Variants in HHATL observed in about 807,000 individuals in gnomAD.
HHATL encodes the protein hedgehog acyltransferase like, also known as protein-cysteine N-palmitoyltransferase HHAT-like protein.
HHATL carries 49 observed loss-of-function variants against 59.7 expected under a neutral mutation model. The observed-to-expected ratio is 0.82, with a 90% CI of 0.65 to 1.04. HHATL has a LOEUF of 1.04. Among genes scored for constraint, HHATL ranks in the 50% least tolerant of loss-of-function variants. HHATL has a pLI of 0.00. For missense variants in HHATL, 605 were observed against 650.8 expected (o/e 0.93, Z 0.77); for synonymous variants, 238 against 257.3 (o/e 0.93, Z 0.72).
chr3:42,695,483 C>A (rs975000351), intron 9 of HHATL, among the ~76,000 whole-genome samples: 1 of 152,176 alleles, frequency 6.6e-6, no homozygotes, highest in Non-Finnish European at 1.5e-5. Context: ...CCCACCACCT[C>A]CAATACCACC....
chr3:42,696,610 C>G (rs1388898216), intron 9 of HHATL, among the ~76,000 whole-genome samples: 1 of 152,218 alleles, frequency 6.6e-6, no homozygotes, highest in Non-Finnish European at 1.5e-5. Flanking sequence ...ACGTCCTGTT[C>G]AGGCTGCTGA....
rs1340200780 is a variant in HHATL at position 42,697,739 on chromosome 3, AG to A, written c.694-61del. On this transcript the variant is annotated intron_variant, in intron 6 of 11. Coordinates refer to ENST00000441594, the MANE Select transcript of HHATL (RefSeq NM_020707.4). ...AGCCCTGCCTGGGGAGCCCTGTCTG[AG>A]GGGGGCTCACCAACTACTTGGGGCA... is the stretch of plus-strand genomic sequence containing the variant. The A allele has an allele frequency of 1.5e-5, 23 of 1,543,170 alleles. No individual in the cohort carries two copies. In the Admixed American group the frequency reaches 3.3e-4, roughly 22 times the overall value.
At position 42,698,932 on chromosome 3, in the gene HHATL, C is replaced by A. The variant is rs761800096; in HGVS notation, c.289-30G>T. On this transcript the variant is annotated intron_variant, in intron 4 of 11. Coordinates refer to ENST00000441594, the MANE Select transcript of HHATL (RefSeq NM_020707.4). The stretch of plus-strand genomic sequence containing the variant: ...GGGCAGGGAGAAGGCTTCAGTTTCG[C>A]CATATAAATGGGGGCGTGACCCCAG... 11 of 1,604,320 alleles carry A rather than the reference C, an allele frequency of 6.9e-6. No individual in the cohort carries two copies. In the Admixed American group the frequency reaches 1.7e-4, roughly 25 times the overall value.
In HHATL at chr3:42,699,816, T is replaced by C; in HGVS notation, c.116A>G (p.His39Arg). 1 of 1,563,980 alleles carries C rather than the reference T, an allele frequency of 6.4e-7. No homozygotes were observed. The highest frequency in any genetic ancestry group is 8.7e-7 in the Non-Finnish European group (1 of 1,153,480). Reference protein sequence around the residue: ...GLLEASQDGAHRKAFRESVRP... With the variant: ...GLLEASQDGARRKAFRESVRP... ...CACAGACTCCCGGAAGGCCTTCCTG[T>C]GGGCCCCATCTGAGAACAGAGTGTG... Residue 39 changes from histidine (H) to arginine (R), a missense_variant, in exon 3 of 12, where the codon CAC (histidine) becomes CGC (arginine). By Grantham distance (29) the His-to-Arg change is conservative (BLOSUM62 0). Transcript: ENST00000441594.
rs778725411 is a variant in HHATL at position 42,700,720 on chromosome 3, C to A, written c.106+1G>T. 7 of 1,607,634 alleles carry A rather than the reference C, an allele frequency of 4.4e-6. No individual in the cohort carries two copies. The Admixed American group carries it at 1.2e-4, about 27-fold the overall frequency. On this transcript the variant is annotated splice_donor_variant, in intron 2 of 11. Coordinates refer to ENST00000441594, the MANE Select transcript of HHATL (RefSeq NM_020707.4). LOFTEE classifies it high-confidence loss of function. ...CACCTGCCCCGGGGCACAGCCATTA[C>A]CTTGTGAAGCCTCAAGGAGGCCCCG...
Position 42,697,655 on chromosome 3 carries a change from G to A in HHATL, c.718C>T (p.Arg240Cys), listed in dbSNP as rs540064874. 14 of 1,613,862 alleles carry A rather than the reference G, an allele frequency of 8.7e-6. No homozygotes were observed. Among genetic ancestry groups the A allele is most frequent in the Middle Eastern group, 1.7e-4 (1 of 6,060 alleles). The change falls in exon 7 of 12, where the codon CGC becomes TGC. Residue 240 changes from arginine to cysteine, a missense_variant. By Grantham distance (180) the Arg-to-Cys change is radical (BLOSUM62 -3). Coordinates refer to ENST00000441594, the MANE Select transcript of HHATL (RefSeq NM_020707.4). ...AQVSQVEPVRREGELWHIRAQ... is the reference protein window; with the variant it reads ...AQVSQVEPVRCEGELWHIRAQ... ...CGGATGTGCCACAGCTCACCCTCGC[G>A]TCTCACTGGCTCCACCTGGCTCACC...
chr3:42,699,654 G>T, intron 3 of HHATL, 104 bp downstream of exon 3: 3 of 939,494 alleles, frequency 3.2e-6, no homozygotes, highest in Non-Finnish European at 3.3e-6. Context: ...CAAGCCAGAG[G>T]CCCCAGAGCT....
intron 9 of HHATL, chr3:42,694,096 CTG>C (rs1559618967): frequency 4.3e-5 from 21 of 485,334 alleles, no homozygotes. Flanking sequence ...ACCCCTAAAT[CTG>C]TGTCTTTAGC....
Position 42,692,664 on chromosome 3 carries a change from G to C in HHATL, c.*87C>G. The C allele has an allele frequency of 6.3e-7, 1 of 1,591,072 alleles. No individual in the cohort carries two copies. The highest frequency in any genetic ancestry group is 8.6e-7 in the Non-Finnish European group (1 of 1,167,230). ...AGAAGGGTCAGGGAACAGCCAAGCT[G>C]TTGTAGAAAAGTCTTTTATTCTATC... is the stretch of plus-strand genomic sequence containing the variant. On this transcript the variant is annotated 3_prime_UTR_variant, in exon 12 of 12. Transcript: ENST00000441594.
rs562001932 is a variant in HHATL at position 42,698,155 on chromosome 3, C to T, written c.680G>A (p.Arg227His). ...GTGTCCCCTCACCTGAGCATGGAAGCGATCAAAGGTCATGATGGGCCCGAA... is the reference window on the plus strand; with the variant it reads ...GTGTCCCCTCACCTGAGCATGGAAGTGATCAAAGGTCATGATGGGCCCGAA... ...FFFGPIMTFD[R>H]FHAQVSQVEP... is the part of the protein sequence containing the mutation. Residue 227 changes from arginine to histidine, a missense_variant, in exon 6 of 12, where the codon CGC becomes CAC. By Grantham distance (29) the Arg-to-His change is conservative. Transcript: ENST00000441594. 3.0e-5 allele frequency: 48 copies of T among 1,614,088 alleles called. No homozygotes were observed. In the East Asian group the frequency reaches 6.2e-4, roughly 21 times the overall value.
Position 42,697,621 on chromosome 3 carries a change from G to A in HHATL, c.752C>T (p.Ala251Val). The A allele has an allele frequency of 1.2e-6, 2 of 1,614,168 alleles. No homozygotes were observed. The highest frequency in any genetic ancestry group is 8.5e-7 in the Non-Finnish European group (1 of 1,179,996). ...EGELWHIRAQAGLSVVAIMAV... is the reference protein window; with the variant it reads ...EGELWHIRAQVGLSVVAIMAV... ...CATGATGGCCACCACGCTTAGGCCTGCCTGGGCTCGGATGTGCCACAGCTC... is the reference window on the plus strand; with the variant it reads ...CATGATGGCCACCACGCTTAGGCCTACCTGGGCTCGGATGTGCCACAGCTC... Residue 251 changes from alanine to valine, a missense_variant, in exon 7 of 12, where the codon GCA (alanine) becomes GTA (valine). By Grantham distance (64) the Ala-to-Val change is moderately conservative. Transcript: ENST00000441594.
chr3:42,697,227 G>T, intron 7 of HHATL, 82 bp from the exon 8 acceptor site: 1 of 1,476,234 alleles, frequency 6.8e-7, no homozygotes, highest in South Asian at 1.4e-5. Context: ...CCACTTCCTT[G>T]GGGAGACACC....
intron 9 of HHATL, among the ~76,000 whole-genome samples, chr3:42,696,462 C>T (rs1697614817): frequency 6.6e-6 from 1 of 152,212 alleles, no homozygotes; most frequent in Non-Finnish European, 1.5e-5. Context: ...TGAACCTCCA[C>T]AGGGATGTCT....
At chr3:42,698,982 G>A in intron 4 of HHATL, 50 bp downstream of exon 4, 2 of 1,611,590 alleles carry the variant, frequency 1.2e-6, no homozygotes, top group Non-Finnish European at 1.7e-6. Context: ...AACCCTTGTG[G>A]TGAAAGAGGA....
intron 2 of HHATL, among the ~76,000 whole-genome samples, chr3:42,700,460 G>C (rs936487918): frequency 4.6e-5 from 7 of 151,972 alleles, no homozygotes; most frequent in Non-Finnish European, 1.0e-4. Context: ...GTGTGTGTGT[G>C]TGTGTCTATG....
chr3:42,697,151 G>C lies in HHATL; in HGVS notation c.866-6C>G, dbSNP rs748351363. 3 of 1,518,632 alleles carry C rather than the reference G, an allele frequency of 2.0e-6. No individual in the cohort carries two copies. Among genetic ancestry groups the C allele is most frequent in the Admixed American group, 4.4e-5 (2 of 45,700 alleles). The allele number at this position is 1,518,632 out of a possible 1,614,324, so 94.1% of individuals were successfully genotyped here. A position where few individuals can be genotyped will look rare whatever the true frequency, so the allele number is the denominator to read the frequency against. On this transcript the variant is annotated splice_polypyrimidine_tract_variant and splice_region_variant and intron_variant, in intron 7 of 11. Transcript: ENST00000441594. ...GTTTGAATAGGCTAGGCCAGCTGGGGGCAGGGCACTGTCACTGCCTGGGGT... is the reference window on the plus strand; with the variant it reads ...GTTTGAATAGGCTAGGCCAGCTGGGCGCAGGGCACTGTCACTGCCTGGGGT...
rs568465929 is a variant in HHATL, at chr3:42,697,547, C to T, written c.826G>A (p.Asp276Asn). 7 of 1,613,804 alleles carry T rather than the reference C, an allele frequency of 4.3e-6. No homozygotes were observed. The highest frequency in any genetic ancestry group is 1.6e-4 in the Middle Eastern group (1 of 6,080). The change falls in exon 7 of 12, where the codon GAC (aspartate) becomes AAC (asparagine). Residue 276 changes from aspartate (D) to asparagine (N), a missense_variant. Asp to Asn is a conservative substitution (Grantham distance 23, BLOSUM62 1). Coordinates refer to ENST00000441594, the MANE Select transcript of HHATL (RefSeq NM_020707.4). Reference sequence around the variant, plus strand: ...GGGAGGCGGTTGGCGAACTTGAGGTCGCTGGGGATAGTGAGGATGTAGAAG... The same window carrying T: ...GGGAGGCGGTTGGCGAACTTGAGGTTGCTGGGGATAGTGAGGATGTAGAAG... ...HFFYILTIPS[D>N]LKFANRLPDS...
At position 42,697,555 on chromosome 3, in the gene HHATL, A is replaced by T; in HGVS notation, c.818T>A (p.Ile273Asn). Residue 273 changes from isoleucine (I) to asparagine (N), a missense_variant, in exon 7 of 12, where the codon ATC (isoleucine) becomes AAC (asparagine). Coordinates refer to ENST00000441594, the MANE Select transcript of HHATL (RefSeq NM_020707.4). ...IFFHFFYILTIPSDLKFANRL... is the reference protein window; with the variant it reads ...IFFHFFYILTNPSDLKFANRL... ...GTTGGCGAACTTGAGGTCGCTGGGG[A>T]TAGTGAGGATGTAGAAGAAGTGAAA... is the stretch of plus-strand genomic sequence containing the variant. The T allele has an allele frequency of 6.2e-7, 1 of 1,613,908 alleles. No homozygotes were observed. The highest frequency in any genetic ancestry group is 1.7e-5 in the Admixed American group (1 of 59,996).
intron 1 of HHATL, among the ~76,000 whole-genome samples, chr3:42,702,211 G>C (rs1698027759): frequency 6.6e-6 from 1 of 152,210 alleles, no homozygotes; most frequent in African/African-American, 2.4e-5. Context: ...TGGGGGTGGA[G>C]AGGCCCTGGG....
Sources: allele counts gnomAD v4.1 joint callset (sites outside exome capture counted in the v4.1 genomes callset), GRCh38; gene constraint gnomAD v4.1.1; transcripts MANE v1.5; gene names NCBI Gene and HGNC (gene_info 2026-07-23, HGNC 2026-07-21).